Variants in BORCS5 observed in about 807,000 individuals in gnomAD.
The protein encoded by BORCS5 is BLOC-1-related complex subunit 5.
A neutral mutation model predicts 22.1 loss-of-function variants in BORCS5; 17 were observed. The observed-to-expected ratio is 0.77, with a 90% CI of 0.53 to 1.15. BORCS5 has a LOEUF of 1.15. BORCS5 is among the 50% of genes most tolerant of loss of function. The pLI, the probability that BORCS5 is intolerant of heterozygous loss-of-function variation, is 0.00. For missense variants in BORCS5, 247 were observed against 253.2 expected (o/e 0.98, Z 0.17); for synonymous variants, 117 against 99.8 (o/e 1.17, Z -1.03).
intron 3 of BORCS5, among the ~76,000 whole-genome samples, chr12:12,462,624 G>T (rs964988793): frequency 2.6e-5 from 4 of 151,984 alleles, no homozygotes; most frequent in Non-Finnish European, 5.9e-5. Context: ...CAGCTTGGAT[G>T]GTTAGATTGC....
chr12:12,435,560 TA>T, intron 2 of BORCS5, 67 bp from the exon 3 acceptor site: 1 of 1,353,808 alleles, frequency 7.4e-7, no homozygotes, highest in Non-Finnish European at 1.0e-6. Context: ...GTGAACTTGT[TA>T]AACTACTTTA....
At chr12:12,358,243 C>T (rs1863191596) in intron 1 of BORCS5, among the ~76,000 whole-genome samples, 1 of 152,168 alleles carries the variant, frequency 6.6e-6, no homozygotes, top group South Asian at 2.1e-4. Flanking sequence ...GGTTAAGCTC[C>T]GGGGTTGCTA....
At chr12:12,414,658 C>T (rs1481239889) in intron 2 of BORCS5, among the ~76,000 whole-genome samples, 1 of 103,442 alleles carries the variant, frequency 9.7e-6, no homozygotes, top group East Asian at 2.2e-4. Context: ...CCCTCACCTC[C>T]CGGACGGGGC....
In BORCS5 at chr12:12,464,268, C is replaced by T. The variant is rs77741201; in HGVS notation, c.361-1278C>T. Among the ~76,000 whole-genome samples, 26 of 152,028 alleles carry T rather than the reference C, an allele frequency of 1.7e-4. No homozygotes were observed. The East Asian group carries it at 4.8e-3, about 28-fold the overall frequency. Reference sequence around the variant, plus strand: ...AGCTGCTCCTCCTGCCCTGCAGGCACTCAAGCAAGAGGCCCGCCAGAGGAC... The same window carrying T: ...AGCTGCTCCTCCTGCCCTGCAGGCATTCAAGCAAGAGGCCCGCCAGAGGAC... On this transcript the variant is annotated intron_variant, in intron 3 of 3. Transcript: ENST00000314565.
At chr12:12,390,550 G>A (rs1487282293) in intron 2 of BORCS5, among the ~76,000 whole-genome samples, 5 of 151,976 alleles carry the variant, frequency 3.3e-5, no homozygotes, top group African/African-American at 4.8e-5. Flanking sequence ...TACTTGGGAG[G>A]CTGAGGCAGG....
chr12:12,402,837 T>G (rs969191309), intron 2 of BORCS5, among the ~76,000 whole-genome samples: 1 of 152,182 alleles, frequency 6.6e-6, no homozygotes, highest in African/African-American at 2.4e-5. Flanking sequence ...TTTTAAAGTC[T>G]TTGTTTCCTT....
At chr12:12,395,435 A>ATTTTTTTTTTTTTTTTTTTTT (rs59277387) in intron 2 of BORCS5, among the ~76,000 whole-genome samples, 3 of 107,856 alleles carry the variant, frequency 2.8e-5, no homozygotes, top group Non-Finnish European at 1.8e-5. Context: ...CACCCAGCTA[A>ATTTTTTTTTTTTTTTTTTTTT]TTTTTTTTTT....
At chr12:12,427,183 T>C (rs1165568172) in intron 2 of BORCS5, among the ~76,000 whole-genome samples, 1 of 68,796 alleles carries the variant, frequency 1.5e-5, no homozygotes, top group Non-Finnish European at 3.1e-5. Flanking sequence ...TTTTTTTTTT[T>C]TTTTTTTTTT....
chr12:12,461,522 C>T (rs1037190311), intron 3 of BORCS5, among the ~76,000 whole-genome samples: 1 of 152,030 alleles, frequency 6.6e-6, no homozygotes, highest in Non-Finnish European at 1.5e-5. Context: ...TTACAGAAAC[C>T]CCAAATGATG....
intron 2 of BORCS5, among the ~76,000 whole-genome samples, chr12:12,397,538 G>T (rs1010468802): frequency 6.6e-6 from 1 of 152,162 alleles, no homozygotes; most frequent in African/African-American, 2.4e-5. Flanking sequence ...ATTCCCACTT[G>T]TACCTTTTAA....
intron 2 of BORCS5, among the ~76,000 whole-genome samples, chr12:12,411,915 GCCC>G (rs1016480425): frequency 1.1e-4 from 17 of 152,196 alleles, no homozygotes; most frequent in African/African-American, 4.1e-4. Flanking sequence ...TGGTCTTGGT[GCCC>G]CCAACAATCA....
At chr12:12,366,429 G>C (rs1036086443) in intron 2 of BORCS5, among the ~76,000 whole-genome samples, 2 of 152,282 alleles carry the variant, frequency 1.3e-5, no homozygotes, top group African/African-American at 4.8e-5. Context: ...AAATATACCA[G>C]AGTATAATTT....
intron 2 of BORCS5, among the ~76,000 whole-genome samples, chr12:12,377,580 G>A (rs911517265): frequency 6.6e-5 from 10 of 151,964 alleles, no homozygotes; most frequent in Non-Finnish European, 1.2e-4. Context: ...CATTAGGGTA[G>A]TATACTAGAT....
intron 2 of BORCS5, among the ~76,000 whole-genome samples, chr12:12,431,941 G>A (rs1405540943): frequency 2.6e-5 from 4 of 152,014 alleles, no homozygotes; most frequent in Non-Finnish European, 4.4e-5. Flanking sequence ...TGATCTGCCC[G>A]CCTCAGCCTC....
chr12:12,438,385 A>AAAAAAAAAAAAAAC (rs1555156048), intron 3 of BORCS5, among the ~76,000 whole-genome samples: 6 of 126,112 alleles, frequency 4.8e-5, no homozygotes, highest in East Asian at 2.0e-4. Context: ...AAAAAACGAA[A>AAAAAAAAAAAAAAC]AACAACAACA....
At chr12:12,384,294 T>A (rs888779729) in intron 2 of BORCS5, among the ~76,000 whole-genome samples, 4 of 150,778 alleles carry the variant, frequency 2.7e-5, no homozygotes, top group Admixed American at 1.3e-4. Flanking sequence ...CTTTTTAAAA[T>A]ATATATATAA....
intron 1 of BORCS5, among the ~76,000 whole-genome samples, chr12:12,360,320 C>G (rs924147100): frequency 6.6e-6 from 1 of 152,204 alleles, no homozygotes; most frequent in African/African-American, 2.4e-5. Context: ...CGAGATTGCA[C>G]CACTGTACTC....
chr12:12,386,794 C>T (rs1451746649), intron 2 of BORCS5, among the ~76,000 whole-genome samples: 1 of 151,200 alleles, frequency 6.6e-6, no homozygotes, highest in Non-Finnish European at 1.5e-5. Context: ...TTATTCCTTC[C>T]TCCCTGCCCA....
intron 3 of BORCS5, among the ~76,000 whole-genome samples, chr12:12,436,236 G>A (rs1407080103): frequency 2.0e-5 from 3 of 152,160 alleles, no homozygotes; most frequent in Non-Finnish European, 4.4e-5. Flanking sequence ...CAGGAGCTTT[G>A]ATACGAAAAG....
Sources: allele counts gnomAD v4.1 joint callset (sites outside exome capture counted in the v4.1 genomes callset), GRCh38; gene constraint gnomAD v4.1.1; transcripts MANE v1.5; gene names NCBI Gene and HGNC (gene_info 2026-07-23, HGNC 2026-07-21).